The following PLEKHG5 variants were observed in gnomAD, a reference collection of about 807,000 sequenced individuals.
PLEKHG5 encodes the protein pleckstrin homology domain-containing family G member 5.
In PLEKHG5, 52 loss-of-function variants were observed where a neutral mutation model predicts 103.8. The ratio of observed to expected loss-of-function variants is 0.50; its 90% confidence interval spans 0.40 to 0.63. PLEKHG5 has a LOEUF of 0.63. Ranked by LOEUF, PLEKHG5 falls within the 30% of genes least tolerant of loss-of-function variation. The pLI is 0.00. For missense variants in PLEKHG5, 1,205 were observed against 1,347.6 expected, an observed-to-expected ratio of 0.89 and a Z score of 1.66; for synonymous variants, 592 against 575.5, an observed-to-expected ratio of 1.03 and a Z score of -0.41.
rs372434052 is a variant in PLEKHG5, at chr1:6,477,562, C to T, written c.10G>A (p.Asp4Asn). The stretch of plus-strand genomic sequence containing the variant: ...GGAAGGTCGAAGCGGACATGCCCAT[C>T]ATAATGCATGGTGCTGTGGAACTTG... MHYDGHVRFDLPPQ... is the reference protein window; with the variant it reads MHYNGHVRFDLPPQ... The change falls in exon 2 of 21, where the codon GAT becomes AAT. Residue 4 changes from aspartate to asparagine, a missense_variant. Asp to Asn is a conservative substitution (Grantham distance 23, BLOSUM62 1). Transcript: ENST00000377728. The T allele has an allele frequency of 2.2e-5, 35 of 1,612,544 alleles. No individual in the cohort carries two copies. The highest frequency in any genetic ancestry group is 7.7e-5 in the South Asian group (7 of 91,078).
chr1:6,510,523 G>A (rs1638445182), intron 1 of PLEKHG5, among the ~76,000 whole-genome samples: 1 of 152,152 alleles, frequency 6.6e-6, no homozygotes. Flanking sequence ...CTGGGATGCA[G>A]AGGTTGCAGT....
intron 1 of PLEKHG5, among the ~76,000 whole-genome samples, chr1:6,506,430 G>A (rs556741209): frequency 1.4e-4 from 21 of 152,336 alleles, no homozygotes; most frequent in South Asian, 4.1e-4. Context: ...CGGCCCCCTC[G>A]GAGCCCCCAC....
Position 6,470,542 on chromosome 1 carries a change from G to C in PLEKHG5, c.1644C>G (p.Tyr548Ter). The change falls in exon 15 of 21, where the codon TAC becomes TAG. Residue 548 changes from tyrosine to a stop codon, truncating the protein, a stop_gained. Transcript: ENST00000377728. LOFTEE classifies it high-confidence loss of function. ...CGTCGCTGCTGCTTTCCACCACCTC[G>C]TAGGCGTCGATGCGGCTCACCACGG... is the stretch of plus-strand genomic sequence containing the variant. Reference protein sequence around the residue: ...LAAVVSRIDAYEVVESSSDEV... With the variant: ...LAAVVSRIDA 1 of 1,607,138 alleles carries C rather than the reference G, an allele frequency of 6.2e-7. No homozygotes were observed. Among genetic ancestry groups the C allele is most frequent in the Non-Finnish European group, 8.5e-7 (1 of 1,179,802 alleles).
At chr1:6,467,728 C>A in intron 20 of PLEKHG5, 97 bp downstream of exon 20, 5 of 1,522,888 alleles carry the variant, frequency 3.3e-6, no homozygotes, top group Non-Finnish European at 4.5e-6. Flanking sequence ...AGGCTCCCTC[C>A]GCCATGACCC....
chr1:6,509,728 C>T (rs1557771760), intron 1 of PLEKHG5, among the ~76,000 whole-genome samples: 1 of 152,198 alleles, frequency 6.6e-6, no homozygotes, highest in African/African-American at 2.4e-5. Flanking sequence ...AGGCTTCTGC[C>T]TCCCAAGCTG....
Position 6,486,587 on chromosome 1 carries a change from G to C in PLEKHG5, c.-88+5050C>G, listed in dbSNP as rs564139346. ...GGTGGAGGCATCAGGAAACCCTGGC[G>C]ACCCACATGGCACAGCAGCCCAGGT... On this transcript the variant is annotated intron_variant, in intron 1 of 20. Coordinates refer to ENST00000377728, the MANE Select transcript of PLEKHG5 (RefSeq NM_020631.6). This position sits in a 1 kb window ranked among gnomAD's most constrained non-coding sequence, Gnocchi z 5.3. Among the ~76,000 whole-genome samples, 1 of 152,178 alleles carries C rather than the reference G, an allele frequency of 6.6e-6. No homozygotes were observed. Among genetic ancestry groups the C allele is most frequent in the Non-Finnish European group, 1.5e-5 (1 of 68,024 alleles).
chr1:6,516,493 C>T (rs1426964323), intron 1 of PLEKHG5, among the ~76,000 whole-genome samples: 1 of 151,780 alleles, frequency 6.6e-6, no homozygotes, highest in Non-Finnish European at 1.5e-5. Context: ...CCCATCTCTA[C>T]TAAAAATACA....
chr1:6,483,556 T>C (rs1017050316), intron 1 of PLEKHG5, among the ~76,000 whole-genome samples: 1 of 152,118 alleles, frequency 6.6e-6, no homozygotes, highest in African/African-American at 2.4e-5. Context: ...TCCCAGCTAC[T>C]TGGGAGGCTG....
chr1:6,496,452 C>A, upstream of PLEKHG5: 2 of 1,455,398 alleles, frequency 1.4e-6, no homozygotes, highest in South Asian at 2.3e-5. Context: ...AGCCCTGGCC[C>A]CTCTGCCCCC....
chr1:6,469,956 A>G (rs987294573), intron 16 of PLEKHG5, among the ~76,000 whole-genome samples: 1 of 152,234 alleles, frequency 6.6e-6, no homozygotes, highest in Admixed American at 6.5e-5. Context: ...GCCATGGCAC[A>G]GTAGCAAGGC....
In PLEKHG5 at chr1:6,471,107, CG is replaced by C. The variant is rs1557741306; in HGVS notation, c.1282-8del. ...GCTTGAAGAGCGAGCCGAACTGGCC[CG>C]GGGCAGAACAACCACGGCGCCGGTT... On this transcript the variant is annotated splice_polypyrimidine_tract_variant and splice_region_variant and intron_variant, in intron 12 of 20. Transcript: ENST00000377728. 3 of 1,569,930 alleles carry C rather than the reference CG, an allele frequency of 1.9e-6. No homozygotes were observed. Among genetic ancestry groups the C allele is most frequent in the Admixed American group, 3.7e-5 (2 of 54,374 alleles).
intron 16 of PLEKHG5, 68 bp downstream of exon 16, chr1:6,470,168 C>A: frequency 1.9e-6 from 3 of 1,573,264 alleles, no homozygotes; most frequent in Non-Finnish European, 2.6e-6. Context: ...GAGCTGAGAA[C>A]CAGTGACTGG....
upstream of PLEKHG5, among the ~76,000 whole-genome samples, chr1:6,493,217 G>T (rs962453363): frequency 4.6e-5 from 7 of 152,176 alleles, no homozygotes; most frequent in Admixed American, 2.0e-4. Flanking sequence ...GCAGCCTGGG[G>T]GGAAGTTTGG....
rs1645038915 is a variant in PLEKHG5, at chr1:6,486,397, C to G, written c.-88+5240G>C. On this transcript the variant is annotated intron_variant, in intron 1 of 20. Transcript: ENST00000377728. The surrounding 1 kb of genome is among the most constrained non-coding windows in gnomAD (Gnocchi z 5.3). ...GCCCCTCCCATCAACCTGGAGACCCCTGCCCGAGAGCCTGAGCCCCAGGGA... is the reference window on the plus strand; with the variant it reads ...GCCCCTCCCATCAACCTGGAGACCCGTGCCCGAGAGCCTGAGCCCCAGGGA... Among the ~76,000 whole-genome samples the G allele has an allele frequency of 6.6e-6, 1 of 152,048 alleles. No homozygotes were observed. The highest frequency in any genetic ancestry group is 2.4e-5 in the African/African-American group (1 of 41,374).
At chr1:6,513,103 C>G (rs1031565309) in intron 1 of PLEKHG5, among the ~76,000 whole-genome samples, 1 of 152,266 alleles carries the variant, frequency 6.6e-6, no homozygotes, top group Admixed American at 6.5e-5. Flanking sequence ...ACGCCTGGAT[C>G]CCGCTGTGGA....
chr1:6,471,417 C>G (rs987339430), intron 12 of PLEKHG5, 71 bp downstream of exon 12: 2 of 1,503,372 alleles, frequency 1.3e-6, no homozygotes, highest in Non-Finnish European at 1.8e-6. Flanking sequence ...CAGACCGGAT[C>G]GGGCCGTGGA....
intron 1 of PLEKHG5, among the ~76,000 whole-genome samples, chr1:6,503,037 C>T (rs1645313899): frequency 6.6e-6 from 1 of 152,186 alleles, no homozygotes; most frequent in African/African-American, 2.4e-5. Context: ...AAAGGCCTCG[C>T]CACACCTCAC....
chr1:6,507,618 C>CG (rs1445103904), intron 1 of PLEKHG5, among the ~76,000 whole-genome samples: 3 of 151,802 alleles, frequency 2.0e-5, no homozygotes, highest in Admixed American at 1.3e-4. Context: ...GCTCTGTTTC[C>CG]GGGGGGCGGG....
chr1:6,484,222 C>T (rs1644968648), intron 1 of PLEKHG5, among the ~76,000 whole-genome samples: 1 of 152,204 alleles, frequency 6.6e-6, no homozygotes, highest in African/African-American at 2.4e-5. Context: ...CTATGACGCA[C>T]CCCACCCTGG....
Sources: gnomAD v4.1 joint callset for allele counts (sites outside exome capture counted in the v4.1 genomes callset) on GRCh38, gnomAD v4.1.1 for gene constraint, Gnocchi (gnomAD v3.1) non-coding constraint, MANE v1.5 for transcripts, NCBI Gene and HGNC (gene_info 2026-07-23, HGNC 2026-07-21) for gene names.